The following IL20RB variants were observed in gnomAD, a reference collection of about 807,000 sequenced individuals.
IL20RB encodes interleukin-20 receptor subunit beta.
IL20RB carries 21 observed loss-of-function variants against 33.3 expected under a neutral mutation model. That is an observed-to-expected ratio of 0.63 (90% confidence interval 0.45 to 0.91). IL20RB has a LOEUF of 0.91. Ranked by LOEUF, IL20RB falls within the 40% of genes least tolerant of loss-of-function variation. IL20RB has a pLI of 0.00. For missense variants in IL20RB, 345 were observed against 384.8 expected (o/e 0.90, Z 0.86); for synonymous variants, 147 against 146.8 (o/e 1.00, Z -0.01).
chr3:136,978,043 G>A (rs1941670465), intron 1 of IL20RB, among the ~76,000 whole-genome samples: 1 of 152,112 alleles, frequency 6.6e-6, no homozygotes, highest in African/African-American at 2.4e-5. Flanking sequence ...TCTTGGAGAG[G>A]AAGCATTCAG....
intron 2 of IL20RB, 27 bp from the exon 3 acceptor site, chr3:136,982,133 A>G: frequency 6.6e-7 from 1 of 1,505,242 alleles, no homozygotes; most frequent in Non-Finnish European, 9.0e-7. Context: ...GGGCTGGTGT[A>G]ACTCTGTGCC....
chr3:136,982,257 G>A lies in IL20RB; in HGVS notation c.313G>A (p.Ala105Thr), dbSNP rs1941793500. The A allele has an allele frequency of 1.2e-6, 2 of 1,611,964 alleles. No homozygotes were observed. The highest frequency in any genetic ancestry group is 1.7e-6 in the Non-Finnish European group (2 of 1,178,314). Residue 105 changes from alanine (A) to threonine (T), a missense_variant, in exon 3 of 7, where the codon GCC (alanine) becomes ACC (threonine). Coordinates refer to ENST00000329582, the MANE Select transcript of IL20RB (RefSeq NM_144717.4). ...PECDVTDDIT[A>T]TVPYNLRVRA... Reference sequence around the variant, plus strand: ...GTGTGATGTCACTGATGACATCACGGCCACTGTGCCATACAACCTTCGTGT... The same window carrying A: ...GTGTGATGTCACTGATGACATCACGACCACTGTGCCATACAACCTTCGTGT...
chr3:136,997,308 G>A (rs911890344), intron 6 of IL20RB, among the ~76,000 whole-genome samples: 36 of 152,074 alleles, frequency 2.4e-4, no homozygotes, highest in Non-Finnish European at 4.9e-4. Context: ...TGGCCAGGCT[G>A]GTCTCAAACT....
At position 137,010,120 on chromosome 3, in the gene IL20RB, C is replaced by T. The variant is rs931508277; in HGVS notation, c.833C>T (p.Thr278Ile). 3.2e-6 allele frequency: 5 copies of T among 1,549,340 alleles called. No homozygotes were observed. In the East Asian group the frequency reaches 9.0e-5, roughly 28 times the overall value. ...ATGAAAATTATTTTTCAGAAAATAA[C>T]CAATTCACCCCAGAAGTTAATCAGC... Reference protein sequence around the residue: ...VVVLPDTLKITNSPQKLISCR... With the variant: ...VVVLPDTLKIINSPQKLISCR... Residue 278 changes from threonine to isoleucine, a missense_variant, in exon 7 of 7, where the codon ACC (threonine) becomes ATC (isoleucine). Physicochemically the swap from Thr to Ile is moderately conservative, Grantham distance 89. Transcript: ENST00000329582.
intron 1 of IL20RB, among the ~76,000 whole-genome samples, chr3:136,963,230 C>T (rs1192885186): frequency 2.0e-5 from 3 of 152,058 alleles, no homozygotes; most frequent in Non-Finnish European, 2.9e-5. Context: ...ACATCTGGGC[C>T]GATTCCAGCT....
Position 136,983,105 on chromosome 3 carries a change from T to G in IL20RB, c.406+755T>G, listed in dbSNP as rs181579417. 4.5e-4 allele frequency among the ~76,000 whole-genome samples: 69 copies of G among 152,018 alleles called. 1 individual carries two copies. The highest frequency in any genetic ancestry group is 8.5e-4 in the Admixed American group (13 of 15,272). ...GACCAGGTCTATCTCTTTTTTTTTTTGATACGGAGTCTCACTCTGTCACCC... is the reference window on the plus strand; with the variant it reads ...GACCAGGTCTATCTCTTTTTTTTTTGGATACGGAGTCTCACTCTGTCACCC... On this transcript the variant is annotated intron_variant, in intron 3 of 6. Coordinates refer to ENST00000329582, the MANE Select transcript of IL20RB (RefSeq NM_144717.4).
chr3:136,975,710 A>G (rs1941600219), intron 1 of IL20RB, among the ~76,000 whole-genome samples: 1 of 152,210 alleles, frequency 6.6e-6, no homozygotes, highest in African/African-American at 2.4e-5. Context: ...GGGTTAGGGT[A>G]CAGTTATTGG....
At position 136,992,021 on chromosome 3, in the gene IL20RB, C is replaced by T; in HGVS notation, c.615C>T (p.Ala205=). 1 of 1,614,136 alleles carries T rather than the reference C, an allele frequency of 6.2e-7. No homozygotes were observed. Among genetic ancestry groups the T allele is most frequent in the Non-Finnish European group, 8.5e-7 (1 of 1,180,036 alleles). Residue 205 remains alanine (A), a synonymous_variant, in exon 5 of 7, where the codon GCC becomes GCT. Transcript: ENST00000329582. ...CAGGGGCTGCATACTGTGTGAAGGC[C>T]CAGACATTCGTGAAGGCCATTGGGA... is the stretch of plus-strand genomic sequence containing the variant. ...MEPGAAYCVK[A]QTFVKAIGRY...
intron 6 of IL20RB, among the ~76,000 whole-genome samples, chr3:136,999,110 T>G (rs1469646684): frequency 6.6e-6 from 1 of 152,090 alleles, no homozygotes; most frequent in Non-Finnish European, 1.5e-5. Flanking sequence ...CTTTTTATTT[T>G]TTTAGAGACA....
chr3:136,980,237 G>A (rs970477613), intron 1 of IL20RB: 4 of 513,058 alleles, frequency 7.8e-6, no homozygotes, highest in Admixed American at 3.3e-5. Flanking sequence ...AAAATTTAGT[G>A]TTAACATAAG....
intron 1 of IL20RB, among the ~76,000 whole-genome samples, chr3:136,966,077 G>A (rs1941341999): frequency 7.8e-6 from 1 of 127,708 alleles, no homozygotes; most frequent in South Asian, 2.5e-4. Flanking sequence ...GCTTTTTGAT[G>A]TGCTGCTGGA....
chr3:137,001,067 C>A (rs1056253250), intron 6 of IL20RB, among the ~76,000 whole-genome samples: 1 of 152,172 alleles, frequency 6.6e-6, no homozygotes, highest in Non-Finnish European at 1.5e-5. Flanking sequence ...CAGCTAAGAT[C>A]TCCTAGGAAT....
At chr3:136,958,559 C>A (rs1560062280) in intron 1 of IL20RB, among the ~76,000 whole-genome samples, 1 of 152,058 alleles carries the variant, frequency 6.6e-6, no homozygotes, top group African/African-American at 2.4e-5. Context: ...ACTGTAAGAA[C>A]AAATTAAAAC....
chr3:136,976,399 A>G (rs538345113), intron 1 of IL20RB, among the ~76,000 whole-genome samples: 1 of 152,292 alleles, frequency 6.6e-6, no homozygotes, highest in East Asian at 1.9e-4. Flanking sequence ...CTGTGGCTAC[A>G]GCCTGGGCCA....
At chr3:136,991,263 G>C (rs1942025491) in intron 4 of IL20RB, among the ~76,000 whole-genome samples, 1 of 152,190 alleles carries the variant, frequency 6.6e-6, no homozygotes, top group African/African-American at 2.4e-5. Context: ...TAACCACTCT[G>C]TTTAAGATGG....
intron 3 of IL20RB, among the ~76,000 whole-genome samples, chr3:136,982,974 G>A (rs1941815062): frequency 6.6e-6 from 1 of 152,232 alleles, no homozygotes; most frequent in East Asian, 1.9e-4. Context: ...AGAGGCAAGG[G>A]CTGATGGGCA....
In IL20RB at chr3:137,010,311, C is replaced by T; in HGVS notation, c.*88C>T. The T allele has an allele frequency of 1.4e-6, 1 of 738,434 alleles. No individual in the cohort carries two copies. The highest frequency in any genetic ancestry group is 2.5e-5 in the East Asian group (1 of 40,232). 45.7% of individuals were successfully genotyped at this position (738,434 alleles called of 1,614,324 possible). ...GACAAGTTGTGTTTCTGTTTTCCGC[C>T]ACGGACAAGGGATGAGAGAAGTAGG... On this transcript the variant is annotated 3_prime_UTR_variant, in exon 7 of 7. Transcript: ENST00000329582.
chr3:136,980,291 CTTT>C (rs5852860), intron 1 of IL20RB, 172 bp from the exon 2 acceptor site: 134 of 542,930 alleles, frequency 2.5e-4, no homozygotes, highest in Admixed American at 4.6e-4. Context: ...ACATGTGAGG[CTTT>C]TTTTTTTTTG....
intron 6 of IL20RB, 118 bp from the exon 7 acceptor site, chr3:137,009,995 G>A: frequency 1.6e-6 from 1 of 625,930 alleles, no homozygotes; most frequent in Non-Finnish European, 2.9e-6. Context: ...ATTGTTTTTT[G>A]GTTTTTGTTT....
Sources: gnomAD v4.1 joint callset for allele counts (sites outside exome capture counted in the v4.1 genomes callset) on GRCh38, gnomAD v4.1.1 for gene constraint, MANE v1.5 for transcripts, NCBI Gene and HGNC (gene_info 2026-07-23, HGNC 2026-07-21) for gene names.